Variants in EDC3 observed in about 807,000 individuals in gnomAD.
EDC3 encodes the protein enhancer of mRNA-decapping protein 3.
In EDC3, 20 loss-of-function variants were observed where a neutral mutation model predicts 41.8. The ratio of observed to expected loss-of-function variants is 0.48; its 90% CI spans 0.34 to 0.70. EDC3 has a LOEUF of 0.70. Ranked by LOEUF, EDC3 falls within the 30% of genes least tolerant of loss-of-function variation. The pLI, the probability that EDC3 is intolerant of heterozygous loss-of-function variation, is 0.01. For synonymous variants in EDC3, 206 were observed against 243.2 expected (o/e 0.85, Z 1.42); for missense variants, 444 against 636.8 (o/e 0.70, Z 3.26).
At chr15:74,658,987 G>A (rs951211812) in intron 3 of EDC3, among the ~76,000 whole-genome samples, 20 of 152,038 alleles carry the variant, frequency 1.3e-4, no homozygotes, top group Admixed American at 6.6e-5. Flanking sequence ...AAATTATGAA[G>A]GTAAGGCAGA....
rs146837992 is a variant in EDC3 at position 74,686,053 on chromosome 15, G to A, written c.-19+9827C>T. On this transcript the variant is annotated intron_variant, in intron 1 of 6. Transcript: ENST00000315127. Reference sequence around the variant, plus strand: ...ACTAAAAATACAAAATTGGCCGGGCGCAGTGGCTCACGCCTGTAATCCCAG... The same window carrying A: ...ACTAAAAATACAAAATTGGCCGGGCACAGTGGCTCACGCCTGTAATCCCAG... Among the ~76,000 whole-genome samples the A allele has an allele frequency of 2.9e-3, 435 of 152,152 alleles. 5 individuals are homozygous for A. The highest frequency in any genetic ancestry group is 0.024 in the East Asian group (124 of 5,162).
intron 3 of EDC3, among the ~76,000 whole-genome samples, chr15:74,663,511 T>C (rs968272454): frequency 2.7e-4 from 41 of 152,082 alleles, no homozygotes; most frequent in African/African-American, 8.4e-4. Flanking sequence ...AAAATGCTGA[T>C]TGGAGCATTT....
intron 1 of EDC3, chr15:74,687,118 C>T (rs1373282034): frequency 6.6e-6 from 1 of 151,836 alleles, no homozygotes; most frequent in Non-Finnish European, 1.5e-5. Context: ...TTTGGGAAGC[C>T]AAGGCAGGAG....
chr15:74,665,286 A>C (rs908122429), intron 3 of EDC3, among the ~76,000 whole-genome samples: 1 of 152,228 alleles, frequency 6.6e-6, no homozygotes, highest in Non-Finnish European at 1.5e-5. Flanking sequence ...TCAGTCTCCC[A>C]AAGTGCTGGG....
intron 5 of EDC3, chr15:74,637,443 G>A (rs967826337): frequency 2.0e-5 from 3 of 152,174 alleles, no homozygotes; most frequent in South Asian, 2.1e-4. Flanking sequence ...CCAGACACAC[G>A]GGCCTGATGC....
intron 1 of EDC3, among the ~76,000 whole-genome samples, chr15:74,693,415 T>C (rs970579750): frequency 6.6e-6 from 1 of 152,224 alleles, no homozygotes; most frequent in African/African-American, 2.4e-5. Flanking sequence ...GAGCAAATTA[T>C]ATTGAGATCT....
At chr15:74,679,837 A>T (rs1345311707) in intron 1 of EDC3, 1 of 151,332 alleles carries the variant, frequency 6.6e-6, no homozygotes, top group African/African-American at 2.4e-5. Flanking sequence ...TGAGGCAGGA[A>T]GGGAGCTTGG....
At chr15:74,676,794 C>T (rs541755980) in intron 1 of EDC3, 38 of 152,204 alleles carry the variant, frequency 2.5e-4, no homozygotes, top group African/African-American at 8.7e-4. Context: ...AAATGAACAA[C>T]CTGATGAAAC....
In EDC3 at chr15:74,671,532, T is replaced by C. The variant is rs1326988983; in HGVS notation, c.407A>G (p.Gln136Arg). Reference sequence around the variant, plus strand: ...CCTGTCGACATAGCTCTTTGAGCACTGTTGCTGCTGCGGGGAAACGGCAAC... The same window carrying C: ...CCTGTCGACATAGCTCTTTGAGCACCGTTGCTGCTGCGGGGAAACGGCAAC... ...QDVAVSPQQQ[Q>R]CSKSYVDRHM... The change falls in exon 3 of 7, where the codon CAG becomes CGG. Residue 136 changes from glutamine to arginine, a missense_variant. By Grantham distance (43) the Gln-to-Arg change is conservative. This residue lies in a region of EDC3 where 200 missense variants were observed against 244.0 expected (regional missense o/e 0.82). Transcript: ENST00000315127. This position sits in a 1 kb window ranked among gnomAD's most constrained non-coding sequence, Gnocchi z 4.6. 1 of 1,614,234 alleles carries C rather than the reference T, an allele frequency of 6.2e-7. No individual in the cohort carries two copies. Among genetic ancestry groups the C allele is most frequent in the Non-Finnish European group, 8.5e-7 (1 of 1,180,038 alleles).
Position 74,671,157 on chromosome 15 carries a change from C to T in EDC3, c.484+298G>A, listed in dbSNP as rs538684643. Among the ~76,000 whole-genome samples the T allele has an allele frequency of 2.0e-5, 3 of 152,164 alleles. No individual in the cohort carries two copies. The highest frequency in any genetic ancestry group is 4.4e-5 in the Non-Finnish European group (3 of 68,038). ...CTGGGACTATAGATGCGTGCCACCA[C>T]GCCCAGTAGTTCCTGGATTTAAAAC... On this transcript the variant is annotated intron_variant, in intron 3 of 6. Coordinates refer to ENST00000315127, the MANE Select transcript of EDC3 (RefSeq NM_025083.5). The surrounding 1 kb of genome is among the most constrained non-coding windows in gnomAD (Gnocchi z 4.6).
At position 74,635,544 on chromosome 15, in the gene EDC3, A is replaced by G. The variant is rs777129635; in HGVS notation, c.1057T>C (p.Cys353Arg). The G allele has an allele frequency of 6.2e-7, 1 of 1,614,264 alleles. No individual in the cohort carries two copies. Among genetic ancestry groups the G allele is most frequent in the Non-Finnish European group, 8.5e-7 (1 of 1,180,040 alleles). ...TCATGGTTGGCTAGGTGCCTTCCAC[A>G]GCTGATACCCTGAGCCCCCTTCACA... is the stretch of plus-strand genomic sequence containing the variant. ...PHVKGAQGIS[C>R]GRHLANHDVQ... Residue 353 changes from cysteine to arginine, a missense_variant, in exon 6 of 7, where the codon TGT (cysteine) becomes CGT (arginine). Cys to Arg is a radical substitution (Grantham distance 180). Coordinates refer to ENST00000315127, the MANE Select transcript of EDC3 (RefSeq NM_025083.5).
Position 74,635,428 on chromosome 15 carries a change from T to G in EDC3, c.1173A>C (p.Gln391His). 1 of 1,614,252 alleles carries G rather than the reference T, an allele frequency of 6.2e-7. No homozygotes were observed. Among genetic ancestry groups the G allele is most frequent in the African/African-American group, 1.3e-5 (1 of 75,072 alleles). The change falls in exon 6 of 7, where the codon CAA becomes CAC. Residue 391 changes from glutamine (Q) to histidine (H), a missense_variant. Around this residue, in one of 3 missense-constraint regions of EDC3, gnomAD observed 242 missense variants for 363.8 expected, o/e 0.67. Coordinates refer to ENST00000315127, the MANE Select transcript of EDC3 (RefSeq NM_025083.5). ...ELSLFSKTQG[Q>H]QVSSLKDLPT... ...GCTCACCTTTGAGGCTAGACACTTGTTGGCCTTGGGTCTTGCTGAAGAGCG... is the reference window on the plus strand; with the variant it reads ...GCTCACCTTTGAGGCTAGACACTTGGTGGCCTTGGGTCTTGCTGAAGAGCG...
At chr15:74,658,430 G>A (rs1419156869) in intron 3 of EDC3, among the ~76,000 whole-genome samples, 1 of 151,874 alleles carries the variant, frequency 6.6e-6, no homozygotes, top group Non-Finnish European at 1.5e-5. Context: ...TTAACTTCCT[G>A]TATATAGAAT....
At chr15:74,693,348 AC>A (rs770471136) in intron 1 of EDC3, among the ~76,000 whole-genome samples, 11 of 152,166 alleles carry the variant, frequency 7.2e-5, no homozygotes, top group Non-Finnish European at 1.5e-4. Flanking sequence ...TTTTGTTTGG[AC>A]CCAAGCGCAA....
rs750294126 is a variant in EDC3 at position 74,675,063 on chromosome 15, T to TA, written c.61dup (p.Tyr21LeufsTer23). The TA allele has an allele frequency of 6.2e-7, 1 of 1,614,008 alleles. No individual in the cohort carries two copies. Among genetic ancestry groups the TA allele is most frequent in the Non-Finnish European group, 8.5e-7 (1 of 1,180,030 alleles). On this transcript the variant is annotated frameshift_variant, in exon 2 of 7. Coordinates refer to ENST00000315127, the MANE Select transcript of EDC3 (RefSeq NM_025083.5). LOFTEE classifies it high-confidence loss of function. ...ATCCACAGCTGACACTCTTCCCTGA[T>TA]AGACACCCAAGCTATCTCCACAATT...
chr15:74,675,540 GATA>G (rs921441181), intron 1 of EDC3, among the ~76,000 whole-genome samples: 11 of 148,466 alleles, frequency 7.4e-5, no homozygotes, highest in South Asian at 2.1e-4. Flanking sequence ...TGCTGATGAT[GATA>G]ATAATAATAA....
rs1352754497 is a variant in EDC3 at position 74,631,654 on chromosome 15, GAGGGGATGAA to G, written c.*948_*957del. On this transcript the variant is annotated 3_prime_UTR_variant, in exon 7 of 7. Coordinates refer to ENST00000315127, the MANE Select transcript of EDC3 (RefSeq NM_025083.5). ...AAAGGACCGTTTCAGGGGAAGGGCA[GAGGGGATGAA>G]AGAGTAGGTGGGGCATGTATGTGCG... The G allele has an allele frequency of 2.6e-5, 4 of 153,046 alleles. No homozygotes were observed. Among genetic ancestry groups the G allele is most frequent in the Admixed American group, 1.3e-4 (2 of 15,316 alleles). The allele number at this position is 153,046 out of a possible 1,614,324, so 9.5% of individuals were successfully genotyped here.
At chr15:74,637,616 G>A (rs941467017) in intron 5 of EDC3, 2 of 152,204 alleles carry the variant, frequency 1.3e-5, no homozygotes, top group East Asian at 1.9e-4. Context: ...TGAGGGAGGT[G>A]GAAATCTTAC....
In EDC3 at chr15:74,663,584, T is replaced by C. The variant is rs191301140; in HGVS notation, c.485-7516A>G. Among the ~76,000 whole-genome samples, 181 of 150,158 alleles carry C rather than the reference T, an allele frequency of 1.2e-3. 1 individual carries two copies. The highest frequency in any genetic ancestry group is 2.1e-3 in the Non-Finnish European group (141 of 67,712). ...TCCAGAAATACTCCAAAATCCTTTTTAAAAAATCCAAAATCTGAAACACTT... is the reference window on the plus strand; with the variant it reads ...TCCAGAAATACTCCAAAATCCTTTTCAAAAAATCCAAAATCTGAAACACTT... On this transcript the variant is annotated intron_variant, in intron 3 of 6. Transcript: ENST00000315127.
Sources: gnomAD v4.1 joint callset for allele counts (sites outside exome capture counted in the v4.1 genomes callset) on GRCh38, gnomAD v4.1.1 for gene constraint, gnomAD v4.1.1 regional missense constraint, Gnocchi (gnomAD v3.1) non-coding constraint, MANE v1.5 for transcripts, NCBI Gene and HGNC (gene_info 2026-07-23, HGNC 2026-07-21) for gene names.